Variants in KIF20B observed in about 807,000 individuals in gnomAD.
KIF20B encodes kinesin family member 20B, also known as kinesin-like protein KIF20B.
In KIF20B, 188 loss-of-function variants were observed where a neutral mutation model predicts 232.5. The observed-to-expected ratio is 0.81, with a 90% CI of 0.72 to 0.91. KIF20B has a LOEUF of 0.91. KIF20B is among the 40% of genes least tolerant of loss of function. The probability of loss-of-function intolerance (pLI) is 0.00; values close to 1 mark genes in which losing one functional copy is unlikely to be tolerated. For missense variants in KIF20B, 2,154 were observed against 2,055.9 expected, an observed-to-expected ratio of 1.05 and a Z score of -0.92; for synonymous variants, 712 against 683.0, an observed-to-expected ratio of 1.04 and a Z score of -0.66.
chr10:89,750,630 T>G (rs966608473), intron 23 of KIF20B, among the ~76,000 whole-genome samples: 1 of 151,988 alleles, frequency 6.6e-6, no homozygotes, highest in African/African-American at 2.4e-5. Flanking sequence ...AAATGAGCCC[T>G]GCTACTAGGT....
intron 8 of KIF20B, 39 bp downstream of exon 8, chr10:89,715,221 T>G: frequency 7.6e-7 from 1 of 1,320,984 alleles, no homozygotes; most frequent in Non-Finnish European, 1.1e-6. Flanking sequence ...GCTCTGAAGT[T>G]CTCTTCCTGG....
chr10:89,725,112 G>A lies in KIF20B; in HGVS notation c.1955G>A (p.Arg652Gln), dbSNP rs746958313. 7.4e-6 allele frequency: 12 copies of A among 1,613,886 alleles called. No individual in the cohort carries two copies. In the South Asian group the frequency reaches 1.2e-4, roughly 16 times the overall value. ...FKDLVGKCDT[R>Q]EEAAKDICAT... is the part of the protein sequence containing the mutation. The stretch of plus-strand genomic sequence containing the variant: ...GATTTGGTTGGTAAATGTGACACTC[G>A]AGAAGAAGCAGCGAAAGACATTTGT... Residue 652 changes from arginine to glutamine, a missense_variant, in exon 15 of 33, where the codon CGA (arginine) becomes CAA (glutamine). By Grantham distance (43) the Arg-to-Gln change is conservative. Coordinates refer to ENST00000371728, the MANE Select transcript of KIF20B (RefSeq NM_001284259.2).
At position 89,742,996 on chromosome 10, in the gene KIF20B, C is replaced by T. The variant is rs148281555; in HGVS notation, c.3916-812C>T. Among the ~76,000 whole-genome samples the T allele has an allele frequency of 2.6e-3, 396 of 152,232 alleles. 2 individuals are homozygous for T. Among genetic ancestry groups the T allele is most frequent in the African/African-American group, 8.0e-3 (331 of 41,542 alleles). ...TATTACAGGCATGAGCCACCATGCC[C>T]GGCCTTCTCTATGCTTTTTATGGGG... On this transcript the variant is annotated intron_variant, in intron 21 of 32. Coordinates refer to ENST00000371728, the MANE Select transcript of KIF20B (RefSeq NM_001284259.2).
In KIF20B at chr10:89,768,272, A is replaced by C. The variant is rs996197160; in HGVS notation, c.4990-18A>C. The C allele has an allele frequency of 7.0e-7, 1 of 1,427,950 alleles. No homozygotes were observed. 88.5% of individuals were successfully genotyped at this position (1,427,950 alleles called of 1,614,324 possible). ...TATTGTCAAGAAATTAACTGGTGCT[A>C]AAATTCATTATTTTTAGGACTTGGT... On this transcript the variant is annotated intron_variant, in intron 29 of 32. Transcript: ENST00000371728.
At chr10:89,705,783 G>C (rs148068139) in intron 2 of KIF20B, among the ~76,000 whole-genome samples, 2 of 152,296 alleles carry the variant, frequency 1.3e-5, no homozygotes, top group East Asian at 3.9e-4. Context: ...TAGCTGTCTA[G>C]CTCTTTACAG....
Position 89,762,755 on chromosome 10 carries a change from GTGAAACACCCTGGT to G in KIF20B, c.4912_4925del (p.Lys1638TyrfsTer7). 1.2e-6 allele frequency: 2 copies of G among 1,613,558 alleles called. No homozygotes were observed. The highest frequency in any genetic ancestry group is 1.7e-6 in the Non-Finnish European group (2 of 1,179,726). ...ACCTTTACAGCCAAACAAAATGGCA[GTGAAACACCCTGGT>G]TGTACCACACCAGTGACAGTTAAGA... On this transcript the variant is annotated frameshift_variant, in exon 29 of 33. Transcript: ENST00000371728. LOFTEE classifies it high-confidence loss of function.
chr10:89,744,310 A>G (rs1335347763), intron 22 of KIF20B, among the ~76,000 whole-genome samples: 1 of 152,150 alleles, frequency 6.6e-6, no homozygotes, highest in Non-Finnish European at 1.5e-5. Context: ...TTATAACCTC[A>G]GACTCTTCAC....
intron 32 of KIF20B, among the ~76,000 whole-genome samples, chr10:89,773,263 C>T (rs1308493088): frequency 6.6e-6 from 1 of 151,960 alleles, no homozygotes; most frequent in African/African-American, 2.4e-5. Flanking sequence ...AGTTATCACC[C>T]TGAGTCTATG....
chr10:89,743,812 C>A lies in KIF20B; in HGVS notation c.3920C>A (p.Ser1307Tyr), dbSNP rs1439908192. The change falls in exon 22 of 33, where the codon TCT becomes TAT. Residue 1307 changes from serine to tyrosine, a missense_variant. Ser to Tyr is a moderately radical substitution (Grantham distance 144). Coordinates refer to ENST00000371728, the MANE Select transcript of KIF20B (RefSeq NM_001284259.2). The part of the protein sequence containing the change: ...KQIKQVQKEV[S>Y]VMRDEDKLLR... The stretch of plus-strand genomic sequence containing the variant: ...TTTATAAACATTATTTTGTAGGTAT[C>A]TGTAATGCGTGATGAGGATAAATTA... 6.9e-7 allele frequency: 1 copy of A among 1,454,376 alleles called. No individual in the cohort carries two copies. Among genetic ancestry groups the A allele is most frequent in the South Asian group, 1.4e-5 (1 of 73,452 alleles). 90.1% of individuals were successfully genotyped at this position (1,454,376 alleles called of 1,614,324 possible). A position where few individuals can be genotyped will look rare whatever the true frequency, so the allele number is the denominator to read the frequency against.
Position 89,725,248 on chromosome 10 carries a change from G to A in KIF20B, c.2001+90G>A. On this transcript the variant is annotated intron_variant, in intron 15 of 32. Coordinates refer to ENST00000371728, the MANE Select transcript of KIF20B (RefSeq NM_001284259.2). ...ATCAATGATGAGAAACACCAAGATA[G>A]TTTAGAATTAAAACAATGCTTTGTG... 4.3e-6 allele frequency: 5 copies of A among 1,153,432 alleles called. No individual in the cohort carries two copies. In the South Asian group the frequency reaches 5.9e-5, roughly 14 times the overall value. The allele number at this position is 1,153,432 out of a possible 1,614,324, so 71.4% of individuals were successfully genotyped here.
chr10:89,713,332 G>A (rs1452627513), intron 6 of KIF20B, among the ~76,000 whole-genome samples: 2 of 145,258 alleles, frequency 1.4e-5, no homozygotes, highest in African/African-American at 5.1e-5. Flanking sequence ...CTACATTCCA[G>A]CCTGGGTGAC....
intron 21 of KIF20B, 82 bp from the exon 22 acceptor site, chr10:89,743,726 A>G: frequency 1.1e-6 from 1 of 904,750 alleles, no homozygotes; most frequent in Non-Finnish European, 1.6e-6. Flanking sequence ...ATCTTTGAAC[A>G]TAGTTGCCAT....
chr10:89,715,489 T>C (rs1317331911), intron 8 of KIF20B, among the ~76,000 whole-genome samples: 1 of 152,218 alleles, frequency 6.6e-6, no homozygotes. Context: ...ATTTTGGAGC[T>C]ATGAAATGTT....
At chr10:89,770,555 C>A (rs1157652395) in intron 31 of KIF20B, among the ~76,000 whole-genome samples, 1 of 152,040 alleles carries the variant, frequency 6.6e-6, no homozygotes, top group South Asian at 2.1e-4. Flanking sequence ...TCTCTTACTT[C>A]ATTGACTTGG....
At chr10:89,752,345 A>AT (rs1842037888) in intron 24 of KIF20B, among the ~76,000 whole-genome samples, 1 of 152,098 alleles carries the variant, frequency 6.6e-6, no homozygotes, top group Admixed American at 6.5e-5. Flanking sequence ...TATACTGTGA[A>AT]TACTATTCAT....
chr10:89,757,538 A>G (rs1589880030), intron 26 of KIF20B, among the ~76,000 whole-genome samples: 1 of 152,020 alleles, frequency 6.6e-6, no homozygotes, highest in South Asian at 2.1e-4. Flanking sequence ...ATTATTGTAG[A>G]TAATTGTCCC....
chr10:89,711,674 A>T (rs1003221408), intron 6 of KIF20B, among the ~76,000 whole-genome samples: 1 of 151,818 alleles, frequency 6.6e-6, no homozygotes, highest in Non-Finnish European at 1.5e-5. Flanking sequence ...TATATGTATG[A>T]TATAATTTTT....
Position 89,757,040 on chromosome 10 carries a change from G to GTGTGTATATATA in KIF20B, c.4504-1665_4504-1664insGTGTATATATAT, listed in dbSNP as rs1301847520. On this transcript the variant is annotated intron_variant, in intron 26 of 32. Transcript: ENST00000371728. The stretch of plus-strand genomic sequence containing the variant: ...ATCTCTGTTGTGTGTGTGTGTGTGT[G>GTGTGTATATATA]TATATATATATATATATATATATAT... Among the ~76,000 whole-genome samples, 46 of 110,736 alleles carry GTGTGTATATATA rather than the reference G, an allele frequency of 4.2e-4. No individual in the cohort carries two copies. In the East Asian group the frequency reaches 5.5e-3, roughly 13 times the overall value. The allele number at this position is 110,736 out of a possible 152,430, so 72.6% of individuals were successfully genotyped here. A position where few individuals can be genotyped will look rare whatever the true frequency, so the allele number is the denominator to read the frequency against.
chr10:89,710,967 A>C lies in KIF20B; in HGVS notation c.497A>C (p.Glu166Ala). The C allele has an allele frequency of 6.2e-7, 1 of 1,604,514 alleles. No individual in the cohort carries two copies. Among genetic ancestry groups the C allele is most frequent in the Non-Finnish European group, 8.5e-7 (1 of 1,177,350 alleles). The change falls in exon 6 of 33, where the codon GAA becomes GCA. Residue 166 changes from glutamate (E) to alanine (A), a missense_variant. Physicochemically the swap from Glu to Ala is moderately radical, Grantham distance 107. Coordinates refer to ENST00000371728, the MANE Select transcript of KIF20B (RefSeq NM_001284259.2). ...ACAAAAATTCCTTTTGCAGGGACAG[A>C]AGAAAATATTGGCATTCTGCCTCGA... ...SGKTYTFQGT[E>A]ENIGILPRTL...
Sources: gnomAD v4.1 joint callset for allele counts (sites outside exome capture counted in the v4.1 genomes callset) on GRCh38, gnomAD v4.1.1 for gene constraint, MANE v1.5 for transcripts, NCBI Gene and HGNC (gene_info 2026-07-23, HGNC 2026-07-21) for gene names.